ARHGAP24: variants seen among roughly 807,000 people sequenced by gnomAD.
ARHGAP24 encodes the protein Rho GTPase activating protein 24, also known as rho GTPase-activating protein 24.
ARHGAP24 carries 50 observed loss-of-function variants against 76.4 expected under a neutral mutation model. The observed-to-expected ratio is 0.65, with a 90% CI of 0.52 to 0.83. The LOEUF (loss-of-function observed/expected upper bound fraction) is 0.83. ARHGAP24 is among the 40% of genes least tolerant of loss of function. The probability of loss-of-function intolerance (pLI) is 0.00; values close to 1 mark genes in which losing one functional copy is unlikely to be tolerated. For missense variants in ARHGAP24, 930 were observed against 914.2 expected, an observed-to-expected ratio of 1.02 and a Z score of -0.22; for synonymous variants, 345 against 323.3, an observed-to-expected ratio of 1.07 and a Z score of -0.72.
Position 85,874,922 on chromosome 4 carries a change from A to ATATAATTTATATATAAATATATTT in ARHGAP24, c.269-48722_269-48721insATTTATATATAAATATATTTTATA, listed in dbSNP as rs1560688324. On this transcript the variant is annotated intron_variant, in intron 3 of 9. Transcript: ENST00000395184. ...ATATAATTTATATATAAATATATTT[A>ATATAATTTATATATAAATATATTT]TATATAATTTATATATAATATATTT... 1.0e-4 allele frequency among the ~76,000 whole-genome samples: 3 copies of ATATAATTTATATATAAATATATTT among 29,170 alleles called. 1 individual carries two copies. The highest frequency in any genetic ancestry group is 2.2e-4 in the African/African-American group (2 of 8,974). The allele number at this position is 29,170 out of a possible 152,430, so 19.1% of individuals were successfully genotyped here.
chr4:85,870,945 T>C (rs1732491246), intron 3 of ARHGAP24, among the ~76,000 whole-genome samples: 1 of 152,172 alleles, frequency 6.6e-6, no homozygotes, highest in Non-Finnish European at 1.5e-5. Flanking sequence ...CTCTGAATGG[T>C]ACAATTGTAT....
intron 1 of ARHGAP24, among the ~76,000 whole-genome samples, chr4:85,516,448 A>G (rs1724505185): frequency 1.3e-5 from 2 of 152,176 alleles, no homozygotes; most frequent in South Asian, 4.1e-4. Context: ...GTTTTAGTAT[A>G]TGTTGTTTCA....
chr4:85,754,403 T>C (rs1284813266), intron 3 of ARHGAP24, among the ~76,000 whole-genome samples: 2 of 152,220 alleles, frequency 1.3e-5, no homozygotes, highest in Admixed American at 6.5e-5. Context: ...AGTGCAGATG[T>C]CTCTTCAAAG....
At chr4:85,731,027 C>CACACAG (rs1363838234) in intron 3 of ARHGAP24, among the ~76,000 whole-genome samples, 16 of 80,540 alleles carry the variant, frequency 2.0e-4, no homozygotes, top group African/African-American at 6.4e-4. Context: ...CACACACACA[C>CACACAG]AGAGAGAGAG....
At chr4:85,581,748 T>A (rs971818171) in intron 2 of ARHGAP24, among the ~76,000 whole-genome samples, 2 of 152,270 alleles carry the variant, frequency 1.3e-5, no homozygotes, top group African/African-American at 4.8e-5. Context: ...TAGTTTTTTT[T>A]AAATTCCAGT....
chr4:85,977,538 T>C (rs878856392), intron 7 of ARHGAP24, 32 bp from the exon 8 acceptor site: 2 of 1,609,074 alleles, frequency 1.2e-6, no homozygotes. Flanking sequence ...TTTGATCCCA[T>C]TGTATTTCAA....
At chr4:85,690,737 A>T (rs545555303) in intron 2 of ARHGAP24, among the ~76,000 whole-genome samples, 1 of 138,482 alleles carries the variant, frequency 7.2e-6, no homozygotes. Context: ...CTCTTAATCT[A>T]GCCAGTGATC....
At chr4:85,889,180 G>A (rs1733740981) in intron 3 of ARHGAP24, among the ~76,000 whole-genome samples, 1 of 152,158 alleles carries the variant, frequency 6.6e-6, no homozygotes, top group Non-Finnish European at 1.5e-5. Context: ...CTAAGAAAAT[G>A]CCAGATTTTA....
intron 3 of ARHGAP24, among the ~76,000 whole-genome samples, chr4:85,722,994 G>A (rs1400800012): frequency 2.0e-5 from 3 of 152,204 alleles, no homozygotes. Flanking sequence ...GTGAATTAAT[G>A]CAGCTGAAGT....
chr4:85,724,935 T>C (rs1330545493), intron 3 of ARHGAP24, among the ~76,000 whole-genome samples: 1 of 152,196 alleles, frequency 6.6e-6, no homozygotes, highest in East Asian at 1.9e-4. Flanking sequence ...TGAACTATTA[T>C]GGCCAAAGTC....
chr4:85,680,423 C>T (rs1578135289), intron 2 of ARHGAP24, among the ~76,000 whole-genome samples: 1 of 152,126 alleles, frequency 6.6e-6, no homozygotes, highest in Non-Finnish European at 1.5e-5. Flanking sequence ...AAATTGAAAT[C>T]GCTTAATACT....
chr4:85,885,285 C>T (rs1733497991), intron 3 of ARHGAP24, among the ~76,000 whole-genome samples: 1 of 152,048 alleles, frequency 6.6e-6, no homozygotes, highest in African/African-American at 2.4e-5. Context: ...TCCACATAGA[C>T]AGCCTAATTT....
intron 2 of ARHGAP24, among the ~76,000 whole-genome samples, chr4:85,602,974 G>A (rs372960601): frequency 6.5e-4 from 98 of 151,920 alleles, no homozygotes; most frequent in African/African-American, 2.2e-3. Context: ...AATATGTTAG[G>A]GATTATTTTA....
intron 8 of ARHGAP24, among the ~76,000 whole-genome samples, chr4:85,979,963 G>A (rs1037951600): frequency 1.3e-5 from 2 of 152,202 alleles, no homozygotes; most frequent in African/African-American, 4.8e-5. Context: ...GCCAGTGGAA[G>A]CATCTTCAAG....
chr4:85,843,883 T>C (rs1482890710), intron 3 of ARHGAP24, among the ~76,000 whole-genome samples: 2 of 152,314 alleles, frequency 1.3e-5, no homozygotes, highest in East Asian at 3.8e-4. Context: ...TGTTGAACTA[T>C]ATGGGGTTTT....
chr4:85,927,155 A>G (rs1736065486), intron 4 of ARHGAP24, among the ~76,000 whole-genome samples: 1 of 152,216 alleles, frequency 6.6e-6, no homozygotes, highest in African/African-American at 2.4e-5. Context: ...TTATTAAGCC[A>G]TAAAAAGGAA....
chr4:85,575,087 T>C (rs1406879865), intron 2 of ARHGAP24, among the ~76,000 whole-genome samples: 1 of 152,220 alleles, frequency 6.6e-6, no homozygotes, highest in Non-Finnish European at 1.5e-5. Flanking sequence ...AGCTATTTAA[T>C]ATTTAATATC....
intron 1 of ARHGAP24, among the ~76,000 whole-genome samples, chr4:85,554,212 C>T (rs1578030430): frequency 1.1e-5 from 1 of 87,136 alleles, no homozygotes; most frequent in Non-Finnish European, 2.6e-5. Context: ...GTCACCTATG[C>T]CTTCTCTCTA....
At chr4:85,775,925 G>A (rs1727293247) in intron 3 of ARHGAP24, among the ~76,000 whole-genome samples, 2 of 152,108 alleles carry the variant, frequency 1.3e-5, no homozygotes, top group South Asian at 4.1e-4. Flanking sequence ...AGAAATCATG[G>A]GTATAAGGAG....
Sources: gnomAD v4.1 joint callset for allele counts (sites outside exome capture counted in the v4.1 genomes callset) on GRCh38, gnomAD v4.1.1 for gene constraint, MANE v1.5 for transcripts, NCBI Gene and HGNC (gene_info 2026-07-23, HGNC 2026-07-21) for gene names.